GALNTL6: variants seen among roughly 807,000 people sequenced by gnomAD.
GALNTL6 encodes polypeptide N-acetylgalactosaminyltransferase like 6.
Under a neutral mutation model 73.7 loss-of-function variants are expected in GALNTL6, and 46 were observed. That is an observed-to-expected ratio of 0.62 (90% CI 0.49 to 0.80). GALNTL6 has a LOEUF of 0.80. GALNTL6 is among the 30% of genes least tolerant of loss of function. The pLI, the probability that GALNTL6 is intolerant of heterozygous loss-of-function variation, is 0.00. For synonymous variants in GALNTL6, 259 were observed against 263.7 expected (o/e 0.98, Z 0.17); for missense variants, 604 against 755.0 (o/e 0.80, Z 2.34).
intron 2 of GALNTL6, among the ~76,000 whole-genome samples, chr4:172,125,918 T>C (rs1480067453): frequency 6.6e-6 from 1 of 152,156 alleles, no homozygotes; most frequent in Non-Finnish European, 1.5e-5. Flanking sequence ...AAATTATTCT[T>C]TAGTTCAGTA....
At chr4:172,638,836 A>C (rs745962769) in intron 5 of GALNTL6, among the ~76,000 whole-genome samples, 2 of 152,142 alleles carry the variant, frequency 1.3e-5, no homozygotes, top group Non-Finnish European at 2.9e-5. Flanking sequence ...AATTTGGGAC[A>C]GTTCTTCATT....
At chr4:171,996,001 C>T (rs147675990) in intron 2 of GALNTL6, among the ~76,000 whole-genome samples, 65 of 152,108 alleles carry the variant, frequency 4.3e-4, no homozygotes, top group African/African-American at 1.5e-3. Context: ...TTTCATTTTC[C>T]ATTAAGATTC....
chr4:172,173,665 G>C lies in GALNTL6; in HGVS notation c.139-55991G>C, dbSNP rs77982703. On this transcript the variant is annotated intron_variant, in intron 2 of 12. Coordinates refer to ENST00000506823, the MANE Select transcript of GALNTL6 (RefSeq NM_001034845.3). Reference sequence around the variant, plus strand: ...TATTTGTTGGCTAATTGGAAACGGAGCTATTTATAACCAGTGAACTGGGTG... The same window carrying C: ...TATTTGTTGGCTAATTGGAAACGGACCTATTTATAACCAGTGAACTGGGTG... 4.2e-4 allele frequency among the ~76,000 whole-genome samples: 64 copies of C among 152,348 alleles called. No individual in the cohort carries two copies. The East Asian group carries it at 0.012, about 28-fold the overall frequency.
intron 2 of GALNTL6, among the ~76,000 whole-genome samples, chr4:171,844,578 C>CA (rs1735323167): frequency 6.6e-6 from 1 of 152,084 alleles, no homozygotes; most frequent in Non-Finnish European, 1.5e-5. Context: ...CTAATATTAT[C>CA]AGACAGTTCG....
chr4:172,189,195 T>G (rs561301388), intron 2 of GALNTL6, among the ~76,000 whole-genome samples: 55 of 152,120 alleles, frequency 3.6e-4, no homozygotes, highest in Non-Finnish European at 6.3e-4. Context: ...GCCTTAGAGA[T>G]AAGGGAGGCA....
At chr4:173,023,052 C>T (rs569745336) in intron 12 of GALNTL6, among the ~76,000 whole-genome samples, 2 of 152,254 alleles carry the variant, frequency 1.3e-5, no homozygotes, top group East Asian at 3.9e-4. Flanking sequence ...AGCCTTGCCT[C>T]AGGCTATAAG....
At chr4:172,782,670 G>A (rs559055365) in intron 5 of GALNTL6, among the ~76,000 whole-genome samples, 6 of 152,076 alleles carry the variant, frequency 3.9e-5, no homozygotes, top group East Asian at 1.9e-4. Flanking sequence ...GTCTTCACAC[G>A]GCTTCTTCGA....
intron 2 of GALNTL6, among the ~76,000 whole-genome samples, chr4:172,057,895 G>T (rs1731078211): frequency 6.6e-6 from 1 of 151,480 alleles, no homozygotes; most frequent in Admixed American, 6.6e-5. Context: ...ACACACTTAT[G>T]AACATAGCTC....
intron 2 of GALNTL6, among the ~76,000 whole-genome samples, chr4:171,863,160 T>A (rs918594357): frequency 6.6e-6 from 1 of 152,156 alleles, no homozygotes; most frequent in Admixed American, 6.6e-5. Context: ...ATTCAGGAAG[T>A]GAATGAAATA....
chr4:172,524,764 CA>C (rs1256570163), intron 5 of GALNTL6, among the ~76,000 whole-genome samples: 11 of 152,062 alleles, frequency 7.2e-5, no homozygotes, highest in Non-Finnish European at 5.9e-5. Context: ...TGGTGACAAC[CA>C]AAAAATAAAG....
Position 172,487,323 on chromosome 4 carries a change from T to C in GALNTL6, c.553+138634T>C, listed in dbSNP as rs1011568981. Among the ~76,000 whole-genome samples the C allele has an allele frequency of 1.5e-3, 192 of 124,556 alleles. 1 individual carries two copies. Among genetic ancestry groups the C allele is most frequent in the Middle Eastern group, 4.3e-3 (1 of 232 alleles). The allele number at this position is 124,556 out of a possible 152,430, so 81.7% of individuals were successfully genotyped here. A position where few individuals can be genotyped will look rare whatever the true frequency, so the allele number is the denominator to read the frequency against. On this transcript the variant is annotated intron_variant, in intron 5 of 12. Coordinates refer to ENST00000506823, the MANE Select transcript of GALNTL6 (RefSeq NM_001034845.3). ...CTGTCTTTCTTTCTTTCTTTCTTTCTTTCTTTCTTTCTTTCTTTCTTTCTT... is the reference window on the plus strand; with the variant it reads ...CTGTCTTTCTTTCTTTCTTTCTTTCCTTCTTTCTTTCTTTCTTTCTTTCTT...
At chr4:172,249,062 T>A (rs1737759807) in intron 3 of GALNTL6, among the ~76,000 whole-genome samples, 1 of 152,146 alleles carries the variant, frequency 6.6e-6, no homozygotes, top group South Asian at 2.1e-4. Flanking sequence ...AGGCAGAGGT[T>A]GGAACAGTTT....
At chr4:172,390,768 A>G (rs1743638099) in intron 5 of GALNTL6, among the ~76,000 whole-genome samples, 1 of 152,198 alleles carries the variant, frequency 6.6e-6, no homozygotes. Context: ...TTCAAATGAG[A>G]GGCAAAAAGC....
At chr4:172,063,220 C>A (rs1268145260) in intron 2 of GALNTL6, among the ~76,000 whole-genome samples, 2 of 152,208 alleles carry the variant, frequency 1.3e-5, no homozygotes, top group African/African-American at 4.8e-5. Context: ...CTTTGCTTCA[C>A]TTTCTTCAAT....
intron 2 of GALNTL6, among the ~76,000 whole-genome samples, chr4:171,927,811 T>A (rs1341098249): frequency 6.6e-6 from 1 of 152,186 alleles, no homozygotes; most frequent in African/African-American, 2.4e-5. Flanking sequence ...GCAGCTGATC[T>A]TTGCATGGTT....
chr4:172,655,780 A>G (rs1399062690), intron 5 of GALNTL6, among the ~76,000 whole-genome samples: 1 of 152,244 alleles, frequency 6.6e-6, no homozygotes. Context: ...TTTACAAAAA[A>G]TAAGATAAGT....
intron 5 of GALNTL6, among the ~76,000 whole-genome samples, chr4:172,599,726 T>A (rs533446173): frequency 1.3e-5 from 2 of 152,234 alleles, no homozygotes; most frequent in African/African-American, 4.8e-5. Context: ...AGCCATGACA[T>A]CACTAAGATG....
At chr4:172,744,281 C>G (rs1159742685) in intron 5 of GALNTL6, among the ~76,000 whole-genome samples, 1 of 152,074 alleles carries the variant, frequency 6.6e-6, no homozygotes, top group Non-Finnish European at 1.5e-5. Context: ...CACTTTAGAG[C>G]CAGTGACTGG....
At chr4:172,105,653 T>C (rs1003429168) in intron 2 of GALNTL6, among the ~76,000 whole-genome samples, 2 of 152,066 alleles carry the variant, frequency 1.3e-5, no homozygotes, top group Non-Finnish European at 2.9e-5. Flanking sequence ...AATTTTTTAT[T>C]AGTAAACAAT....
Sources: allele counts gnomAD v4.1 joint callset (sites outside exome capture counted in the v4.1 genomes callset), GRCh38; gene constraint gnomAD v4.1.1; transcripts MANE v1.5; gene names NCBI Gene and HGNC (gene_info 2026-07-23, HGNC 2026-07-21).